Variants in ABCB11 observed in about 807,000 individuals in gnomAD.
ABCB11 encodes bile salt export pump.
A neutral mutation model predicts 148.0 loss-of-function variants in ABCB11; 95 were observed. The ratio of observed to expected loss-of-function variants is 0.64; its 90% CI spans 0.54 to 0.76. The LOEUF is 0.76. Among genes scored for constraint, ABCB11 ranks in the 30% least tolerant of loss-of-function variants. The probability of loss-of-function intolerance (pLI) is 0.00; values close to 1 mark genes in which losing one functional copy is unlikely to be tolerated. For synonymous variants in ABCB11, 591 were observed against 555.4 expected (o/e 1.06, Z -0.90); for missense variants, 1,523 against 1,617.8 (o/e 0.94, Z 1.01).
rs557606245 is a variant in ABCB11, at chr2:168,938,055, C to T, written c.2611-1622G>A. 2.4e-4 allele frequency among the ~76,000 whole-genome samples: 37 copies of T among 152,206 alleles called. No individual in the cohort carries two copies. In the East Asian group the frequency reaches 5.2e-3, roughly 21 times the overall value. ...TTATTTAAGACAAAAAAATGTAAAACGACAAAAGGTAACCTGTTAGTAACC... is the reference window on the plus strand; with the variant it reads ...TTATTTAAGACAAAAAAATGTAAAATGACAAAAGGTAACCTGTTAGTAACC... On this transcript the variant is annotated intron_variant, in intron 21 of 27. Transcript: ENST00000650372.
chr2:169,016,999 C>CACACACA (rs1695380530), intron 2 of ABCB11, among the ~76,000 whole-genome samples, 200 bp from the exon 3 acceptor site: 1 of 147,194 alleles, frequency 6.8e-6, no homozygotes, highest in African/African-American at 2.5e-5. Context: ...CACACACACA[C>CACACACA]ACACACACAC....
In ABCB11 at chr2:168,935,286, A is replaced by G; in HGVS notation, c.2954T>C (p.Phe985Ser). 6.2e-7 allele frequency: 1 copy of G among 1,614,010 alleles called. No individual in the cohort carries two copies. The highest frequency in any genetic ancestry group is 8.5e-7 in the Non-Finnish European group (1 of 1,179,882). The change falls in exon 23 of 28, where the codon TTT becomes TCT. Residue 985 changes from phenylalanine to serine, a missense_variant. By Grantham distance (155) the Phe-to-Ser change is radical. Transcript: ENST00000650372. ...IQKANIYGFCFAFAQCIMFIA... is the reference protein window; with the variant it reads ...IQKANIYGFCSAFAQCIMFIA... Reference sequence around the variant, plus strand: ...AAACATGATGCACTGGGCAAAGGCAAAGCAGAATCCGTAAATATTGGCTTT... The same window carrying G: ...AAACATGATGCACTGGGCAAAGGCAGAGCAGAATCCGTAAATATTGGCTTT...
intron 16 of ABCB11, 89 bp from the exon 17 acceptor site, chr2:168,968,579 A>C (rs75793686): frequency 9.2e-7 from 1 of 1,085,718 alleles, no homozygotes; most frequent in South Asian, 1.8e-5. Context: ...TGCTTAGAAT[A>C]TAATTACTAT....
At chr2:168,993,387 T>TA (rs1024266318) in intron 8 of ABCB11, among the ~76,000 whole-genome samples, 9 of 152,092 alleles carry the variant, frequency 5.9e-5, no homozygotes, top group African/African-American at 2.2e-4. Flanking sequence ...TTCTTATATT[T>TA]AAAATGATGT....
At chr2:168,916,387 A>G (rs1690942101), downstream of ABCB11, among the ~76,000 whole-genome samples, 1 of 152,158 alleles carries the variant, frequency 6.6e-6, no homozygotes, top group South Asian at 2.1e-4. Context: ...TTTTTACATA[A>G]CACATTCTGT....
chr2:168,963,019 A>G (rs1229965409), intron 18 of ABCB11, among the ~76,000 whole-genome samples: 1 of 151,776 alleles, frequency 6.6e-6, no homozygotes, highest in African/African-American at 2.4e-5. Flanking sequence ...ATACGGTCAT[A>G]AAGAGTACTC....
At chr2:168,960,842 T>C (rs1206742754) in intron 18 of ABCB11, among the ~76,000 whole-genome samples, 1 of 151,744 alleles carries the variant, frequency 6.6e-6, no homozygotes, top group Non-Finnish European at 1.5e-5. Flanking sequence ...TTCTCTCTGA[T>C]TTTGCAAAAT....
intron 1 of ABCB11, among the ~76,000 whole-genome samples, chr2:169,028,504 C>T (rs183160643): frequency 1.3e-5 from 2 of 152,018 alleles, no homozygotes; most frequent in East Asian, 3.9e-4. Flanking sequence ...CATGCAAAGG[C>T]CCAGATGCAA....
intron 1 of ABCB11, among the ~76,000 whole-genome samples, chr2:169,020,453 T>TA (rs148863972): frequency 0.05 from 7,623 of 151,156 alleles, 224 homozygotes; most frequent in African/African-American, 0.066. Context: ...CAACAAAAGT[T>TA]AAAAAAAACT....
In ABCB11 at chr2:168,922,255, A is replaced by C. The variant is rs1691102926; in HGVS notation, c.*1367T>G. On this transcript the variant is annotated 3_prime_UTR_variant, in exon 28 of 28. Coordinates refer to ENST00000650372, the MANE Select transcript of ABCB11 (RefSeq NM_003742.4). ...TCTGTTCATACACAGCTTTACATTC[A>C]ATCCCCCTGTCTCTTGTATGTTAGC... Among the ~76,000 whole-genome samples, 1 of 152,028 alleles carries C rather than the reference A, an allele frequency of 6.6e-6. No homozygotes were observed. Among genetic ancestry groups the C allele is most frequent in the African/African-American group, 2.4e-5 (1 of 41,390 alleles).
chr2:168,982,939 G>C (rs905396990), intron 10 of ABCB11, among the ~76,000 whole-genome samples: 8 of 152,166 alleles, frequency 5.3e-5, no homozygotes, highest in African/African-American at 1.4e-4. Flanking sequence ...TAAAATGTTA[G>C]AGACCCATAG....
intron 3 of ABCB11, among the ~76,000 whole-genome samples, chr2:169,016,178 C>A (rs1451242176): frequency 1.3e-5 from 2 of 152,154 alleles, no homozygotes; most frequent in African/African-American, 2.4e-5. Context: ...GCTGACCTGA[C>A]CACTCCCAGC....
At position 168,958,050 on chromosome 2, in the gene ABCB11, G is replaced by A. The variant is rs1692874538; in HGVS notation, c.2257C>T (p.Pro753Ser). The change falls in exon 19 of 28, where the codon CCC becomes TCC. Residue 753 changes from proline to serine, a missense_variant. Physicochemically the swap from Pro to Ser is moderately conservative, Grantham distance 74 (BLOSUM62 -1). Transcript: ENST00000650372. ...CCCACAGACCCTACCAGCATGTAGG[G>A]CCATTCTGGAGCACTGAATTTCAGA... ...RILKFSAPEW[P>S]YMLVGSVGAA... The A allele has an allele frequency of 1.9e-6, 3 of 1,611,360 alleles. No homozygotes were observed. Among genetic ancestry groups the A allele is most frequent in the Non-Finnish European group, 2.5e-6 (3 of 1,178,316 alleles).
Position 168,969,405 on chromosome 2 carries a change from A to G in ABCB11, c.1956T>C (p.Thr652=), listed in dbSNP as rs1476067974. The G allele has an allele frequency of 6.2e-7, 1 of 1,612,526 alleles. No individual in the cohort carries two copies. Among genetic ancestry groups the G allele is most frequent in the African/African-American group, 1.3e-5 (1 of 74,840 alleles). The change falls in exon 16 of 28, where the codon ACT becomes ACC. Residue 652 remains threonine (T), a synonymous_variant. Transcript: ENST00000650372. Reference sequence around the variant, plus strand: ...TTCCCTGGCTTTGCAAAGTCACTAGAGTGAAGTAAACACCTTTCCTTTCCA... The same window carrying G: ...TTCCCTGGCTTTGCAAAGTCACTAGGGTGAAGTAAACACCTTTCCTTTCCA... ...ELLERKGVYF[T]LVTLQSQGNQ...
chr2:168,946,076 T>G lies in ABCB11; in HGVS notation c.2344-1115A>C, dbSNP rs569735288. Among the ~76,000 whole-genome samples the G allele has an allele frequency of 1.4e-4, 22 of 151,834 alleles. No individual in the cohort carries two copies. The South Asian group carries it at 4.6e-3, about 32-fold the overall frequency. On this transcript the variant is annotated intron_variant, in intron 19 of 27. Coordinates refer to ENST00000650372, the MANE Select transcript of ABCB11 (RefSeq NM_003742.4). ...GAGGATCTTGTTACAATAAGAAAAA[T>G]GAAAGAACATACTCCAATGACATTG...
intron 5 of ABCB11, among the ~76,000 whole-genome samples, chr2:169,010,916 A>G (rs564664038): frequency 1.3e-5 from 2 of 152,344 alleles, no homozygotes; most frequent in African/African-American, 4.8e-5. Flanking sequence ...GAAAAGGACA[A>G]ATGTCCATTC....
intron 5 of ABCB11, among the ~76,000 whole-genome samples, chr2:169,012,738 TAAAAAAA>T (rs78964015): frequency 8.1e-6 from 1 of 123,714 alleles, no homozygotes; most frequent in East Asian, 2.2e-4. Flanking sequence ...GACTCCATCT[TAAAAAAA>T]AAAAAAAAAG....
intron 5 of ABCB11, among the ~76,000 whole-genome samples, chr2:169,005,431 A>C (rs982984042): frequency 6.6e-6 from 1 of 151,996 alleles, no homozygotes; most frequent in African/African-American, 2.4e-5. Flanking sequence ...TCCCAGGAGG[A>C]TTATGGCTGC....
At chr2:168,968,333 T>C (rs1165857252) in intron 17 of ABCB11, 94 bp downstream of exon 17, 2 of 1,203,938 alleles carry the variant, frequency 1.7e-6, no homozygotes, top group African/African-American at 3.0e-5. Context: ...AGAGTTTCCT[T>C]GTTGTACCTG....
Sources: allele counts gnomAD v4.1 joint callset (sites outside exome capture counted in the v4.1 genomes callset), GRCh38; gene constraint gnomAD v4.1.1; transcripts MANE v1.5; gene names NCBI Gene and HGNC (gene_info 2026-07-23, HGNC 2026-07-21).